Variants in PKHD1 observed in about 807,000 individuals in gnomAD.
PKHD1 encodes the protein fibrocystin.
PKHD1 carries 291 observed loss-of-function variants against 412.0 expected under a neutral mutation model. The ratio of observed to expected loss-of-function variants is 0.71; its 90% CI spans 0.64 to 0.78. PKHD1 has a LOEUF of 0.78. PKHD1 is among the 30% of genes least tolerant of loss of function. PKHD1 has a pLI of 0.00. For missense variants in PKHD1, 4,825 were observed against 4,950.7 expected (o/e 0.97, Z 0.76); for synonymous variants, 1,777 against 1,821.5 (o/e 0.98, Z 0.62).
chr6:51,651,853 G>A (rs1562025795), intron 61 of PKHD1, among the ~76,000 whole-genome samples: 2 of 152,144 alleles, frequency 1.3e-5, no homozygotes, highest in South Asian at 2.1e-4. Flanking sequence ...TCCAGTGTCC[G>A]TTGCTGTGAC....
At chr6:51,766,857 T>C (rs553145069) in intron 55 of PKHD1, among the ~76,000 whole-genome samples, 3 of 152,216 alleles carry the variant, frequency 2.0e-5, no homozygotes, top group Non-Finnish European at 4.4e-5. Context: ...GCAGAAATAT[T>C]GACCTTGTTA....
chr6:51,703,473 CT>C (rs1779682689), intron 60 of PKHD1, among the ~76,000 whole-genome samples: 1 of 151,960 alleles, frequency 6.6e-6, no homozygotes, highest in African/African-American at 2.4e-5. Flanking sequence ...GAACTTCCCC[CT>C]AGCAGTCTCA....
At chr6:51,685,411 G>T (rs1777282718) in intron 60 of PKHD1, among the ~76,000 whole-genome samples, 1 of 152,176 alleles carries the variant, frequency 6.6e-6, no homozygotes, top group East Asian at 1.9e-4. Flanking sequence ...GCTAAGAATA[G>T]AAGTATTTCC....
At chr6:52,026,232 A>C (rs1055952445) in intron 31 of PKHD1, 51 bp from the exon 32 acceptor site, 1 of 1,534,938 alleles carries the variant, frequency 6.5e-7, no homozygotes, top group Non-Finnish European at 9.0e-7. Context: ...TTCTGAACTA[A>C]GAATTCATAG....
chr6:51,937,833 C>T (rs1023282696), intron 36 of PKHD1, among the ~76,000 whole-genome samples: 1 of 152,148 alleles, frequency 6.6e-6, no homozygotes, highest in Non-Finnish European at 1.5e-5. Context: ...ACCCTTAATG[C>T]AATGGTCTCT....
chr6:51,909,754 C>A lies in PKHD1; in HGVS notation c.6491-280G>T, dbSNP rs149822794. ...AAAGAGTCAGACTATAACCCACAAA[C>A]CCAACCTAAATAGATGCTTATTTCA... On this transcript the variant is annotated intron_variant, in intron 39 of 66. Transcript: ENST00000371117. Among the ~76,000 whole-genome samples, 693 of 152,142 alleles carry A rather than the reference C, an allele frequency of 4.6e-3. 7 individuals are homozygous for A. The highest frequency in any genetic ancestry group is 0.016 in the African/African-American group (666 of 41,534).
chr6:52,081,079 T>G (rs1197480280), intron 4 of PKHD1, among the ~76,000 whole-genome samples: 1 of 152,198 alleles, frequency 6.6e-6, no homozygotes, highest in African/African-American at 2.4e-5. Flanking sequence ...CACACTTAAT[T>G]GAATCTGATA....
chr6:51,938,714 G>A (rs1372255378), intron 36 of PKHD1, among the ~76,000 whole-genome samples: 1 of 151,484 alleles, frequency 6.6e-6, no homozygotes, highest in Non-Finnish European at 1.5e-5. Context: ...CTCAGATCAG[G>A]GAACCTCCCT....
intron 35 of PKHD1, among the ~76,000 whole-genome samples, chr6:52,005,868 C>G (rs1798983268): frequency 6.6e-6 from 1 of 150,830 alleles, no homozygotes; most frequent in Non-Finnish European, 1.5e-5. Context: ...TTGGTTTAAA[C>G]TTTTATTGCC....
In PKHD1 at chr6:52,005,762, G is replaced by A. The variant is rs537333068; in HGVS notation, c.5751+4547C>T. 5.3e-5 allele frequency among the ~76,000 whole-genome samples: 8 copies of A among 151,980 alleles called. No individual in the cohort carries two copies. The South Asian group carries it at 1.7e-3, about 32-fold the overall frequency. On this transcript the variant is annotated intron_variant, in intron 35 of 66. Coordinates refer to ENST00000371117, the MANE Select transcript of PKHD1 (RefSeq NM_138694.4). The stretch of plus-strand genomic sequence containing the variant: ...AGTTTAGGTAACAGTCCACACCACA[G>A]CACTCCCTAGAAATCCACATTATGT...
At chr6:51,649,931 A>G (rs537346956) in intron 61 of PKHD1, among the ~76,000 whole-genome samples, 1 of 152,336 alleles carries the variant, frequency 6.6e-6, no homozygotes, top group South Asian at 2.1e-4. Flanking sequence ...CACATACTAT[A>G]TACCAAGTTC....
chr6:52,017,315 G>T, intron 34 of PKHD1, 95 bp downstream of exon 34: 1 of 919,942 alleles, frequency 1.1e-6, no homozygotes, highest in Non-Finnish European at 1.8e-6. Context: ...ACGGCTGCCA[G>T]GCCACATCCA....
rs1785348757 is a variant in PKHD1 at position 51,925,279 on chromosome 6, C to G, written c.6121+8831G>C. 5.9e-5 allele frequency among the ~76,000 whole-genome samples: 9 copies of G among 152,254 alleles called. 1 individual carries two copies. In the South Asian group the frequency reaches 1.9e-3, roughly 32 times the overall value. ...GAGCTAGTTACTTTCCTTTGAGAAGCTTTGTGTCAAGATGAGAGGCTTGAA... is the reference window on the plus strand; with the variant it reads ...GAGCTAGTTACTTTCCTTTGAGAAGGTTTGTGTCAAGATGAGAGGCTTGAA... On this transcript the variant is annotated intron_variant, in intron 37 of 66. Transcript: ENST00000371117.
rs776969998 is a variant in PKHD1, at chr6:51,659,282, C to T, written c.10844G>A (p.Arg3615Lys). 15 of 1,613,730 alleles carry T rather than the reference C, an allele frequency of 9.3e-6. No individual in the cohort carries two copies. The African/African-American group carries it at 1.3e-4, about 14-fold the overall frequency. Reference sequence around the variant, plus strand: ...AGGGCAATTGCGCTTTCTTTTTGCTCTACTGTCAGCAATGGCCTTTAAGGT... The same window carrying T: ...AGGGCAATTGCGCTTTCTTTTTGCTTTACTGTCAGCAATGGCCTTTAAGGT... The part of the protein sequence containing the change: ...EETLKAIADS[R>K]AKRKRNCPTV... Residue 3615 changes from arginine (R) to lysine (K), a missense_variant, in exon 61 of 67, where the codon AGA becomes AAA. Coordinates refer to ENST00000371117, the MANE Select transcript of PKHD1 (RefSeq NM_138694.4).
chr6:51,733,535 C>CAA lies in PKHD1; in HGVS notation c.10156+10848_10156+10849dup, dbSNP rs11381839. 2.7e-3 allele frequency among the ~76,000 whole-genome samples: 354 copies of CAA among 128,978 alleles called. 1 individual carries two copies. Among genetic ancestry groups the CAA allele is most frequent in the African/African-American group, 6.0e-3 (199 of 33,362 alleles). The allele number at this position is 128,978 out of a possible 152,430, so 84.6% of individuals were successfully genotyped here. A position where few individuals can be genotyped will look rare whatever the true frequency, so the allele number is the denominator to read the frequency against. On this transcript the variant is annotated intron_variant, in intron 60 of 66. Transcript: ENST00000371117. Reference sequence around the variant, plus strand: ...CTGAGGACAGAGGGAGACTCCCTCTCAAAAAAAAAAAAAAATGGTTAAGAT... The same window carrying CAA: ...CTGAGGACAGAGGGAGACTCCCTCTCAAAAAAAAAAAAAAAAATGGTTAAGAT...
rs906560282 is a variant in PKHD1 at position 51,638,890 on chromosome 6, C to T, written c.11465G>A (p.Gly3822Glu). ...SFYNLAVLIS[G>E]SNWHFIFTVT... ...AGTAAAAATAAAGTGCCAGTTTGAC[C>T]CAGAGATCAAGACTGCCAAGTTGTA... Residue 3822 changes from glycine (G) to glutamate (E), a missense_variant, in exon 64 of 67, where the codon GGG becomes GAG. Coordinates refer to ENST00000371117, the MANE Select transcript of PKHD1 (RefSeq NM_138694.4). 9 of 1,613,180 alleles carry T rather than the reference C, an allele frequency of 5.6e-6. No homozygotes were observed. In the Admixed American group the frequency reaches 1.2e-4, roughly 21 times the overall value.
In PKHD1 at chr6:51,885,959, C is replaced by A; in HGVS notation, c.7123G>T (p.Val2375Leu). Residue 2375 changes from valine to leucine, a missense_variant, in exon 45 of 67, where the codon GTA becomes TTA. By Grantham distance (32) the Val-to-Leu change is conservative. Coordinates refer to ENST00000371117, the MANE Select transcript of PKHD1 (RefSeq NM_138694.4). ...CAAGGTGGCTGAAATTTAGGGTATA[C>A]AAAGAGACCATACCTAAAAAGTGAA... Reference protein sequence around the residue: ...AHSCTRYGLFVYPKFQPPWDN... With the variant: ...AHSCTRYGLFLYPKFQPPWDN... 2.5e-6 allele frequency: 4 copies of A among 1,590,496 alleles called. No individual in the cohort carries two copies. The highest frequency in any genetic ancestry group is 1.1e-5 in the South Asian group (1 of 90,510).
At chr6:52,048,663 G>A (rs762466329) in intron 22 of PKHD1, 44 bp from the exon 23 acceptor site, 4 of 1,612,058 alleles carry the variant, frequency 2.5e-6, no homozygotes. Context: ...GGGTTGGGGT[G>A]TGCACCTAGG....
rs139332363 is a variant in PKHD1 at position 51,939,927 on chromosome 6, A to T, written c.5909-5605T>A. ...CCTCATCACACCAGGTCTGGCTTAC[A>T]GTTTAATTCCTCGACTATCCCTCCC... On this transcript the variant is annotated intron_variant, in intron 36 of 66. Transcript: ENST00000371117. Among the ~76,000 whole-genome samples, 738 of 151,636 alleles carry T rather than the reference A, an allele frequency of 4.9e-3. 11 individuals carry two copies. The highest frequency in any genetic ancestry group is 0.017 in the African/African-American group (708 of 41,448).
Sources: gnomAD v4.1 joint callset for allele counts (sites outside exome capture counted in the v4.1 genomes callset) on GRCh38, gnomAD v4.1.1 for gene constraint, MANE v1.5 for transcripts, NCBI Gene and HGNC (gene_info 2026-07-23, HGNC 2026-07-21) for gene names.